The following KCNQ5 variants were observed in gnomAD, a reference collection of about 807,000 sequenced individuals.
KCNQ5 encodes potassium voltage-gated channel subfamily KQT member 5.
In KCNQ5, 30 loss-of-function variants were observed where a neutral mutation model predicts 98.2. That is an observed-to-expected ratio of 0.31 (90% CI 0.23 to 0.41). KCNQ5 has a LOEUF of 0.41. Among genes scored for constraint, KCNQ5 ranks in the 10% least tolerant of loss-of-function variants. The pLI is 1.00. For synonymous variants in KCNQ5, 458 were observed against 449.4 expected (o/e 1.02, Z -0.24); for missense variants, 835 against 1,182.5 (o/e 0.71, Z 4.31).
chr6:73,106,135 C>A (rs1774989126), intron 6 of KCNQ5, among the ~76,000 whole-genome samples: 1 of 151,888 alleles, frequency 6.6e-6, no homozygotes, highest in East Asian at 1.9e-4. Flanking sequence ...TTGCTCCAGA[C>A]ACAGCTCAAG....
chr6:72,981,772 T>A (rs1406386059), intron 1 of KCNQ5, among the ~76,000 whole-genome samples: 1 of 152,250 alleles, frequency 6.6e-6, no homozygotes, highest in African/African-American at 2.4e-5. Flanking sequence ...TTTAGATCTT[T>A]CCTGCTTTCT....
At chr6:73,184,089 T>G (rs1778490128) in intron 11 of KCNQ5, among the ~76,000 whole-genome samples, 4 of 152,216 alleles carry the variant, frequency 2.6e-5, no homozygotes, top group Admixed American at 2.0e-4. Context: ...ACAGTTTTGT[T>G]TTGCTATTAG....
At chr6:73,064,973 A>G (rs1772981214) in intron 3 of KCNQ5, among the ~76,000 whole-genome samples, 1 of 151,988 alleles carries the variant, frequency 6.6e-6, no homozygotes. Context: ...ATCTGAAATT[A>G]AATGTTTGTG....
At chr6:72,769,338 A>G (rs1772740068) in intron 1 of KCNQ5, among the ~76,000 whole-genome samples, 2 of 152,120 alleles carry the variant, frequency 1.3e-5, no homozygotes, top group African/African-American at 2.4e-5. Context: ...GGATTGTTTG[A>G]TAGAATAAAG....
chr6:72,975,990 A>C (rs2150290443), intron 1 of KCNQ5, among the ~76,000 whole-genome samples: 1 of 152,352 alleles, frequency 6.6e-6, no homozygotes, highest in South Asian at 2.1e-4. Flanking sequence ...TAATCAGTTG[A>C]AAGTAACCAA....
At chr6:72,670,072 T>A (rs1767024799) in intron 1 of KCNQ5, among the ~76,000 whole-genome samples, 1 of 152,120 alleles carries the variant, frequency 6.6e-6, no homozygotes, top group Non-Finnish European at 1.5e-5. Flanking sequence ...CTCTGCTGAG[T>A]GTCCAGTTTT....
Position 72,784,822 on chromosome 6 carries a change from G to A in KCNQ5, c.398+162235G>A, listed in dbSNP as rs535380265. On this transcript the variant is annotated intron_variant, in intron 1 of 13. Transcript: ENST00000370398. ...TGTGGTAATCCTTATGTGCAGGAGA[G>A]ACTCAGAGCTTGGGAATTCACTATT... Among the ~76,000 whole-genome samples, 5 of 152,334 alleles carry A rather than the reference G, an allele frequency of 3.3e-5. No homozygotes were observed. In the East Asian group the frequency reaches 9.6e-4, roughly 29 times the overall value.
chr6:72,870,900 A>G (rs1456853374), intron 1 of KCNQ5, among the ~76,000 whole-genome samples: 2 of 152,144 alleles, frequency 1.3e-5, no homozygotes, highest in Admixed American at 6.5e-5. Flanking sequence ...CTAGAAGAGG[A>G]TGATGGTTAT....
intron 1 of KCNQ5, among the ~76,000 whole-genome samples, chr6:72,793,744 C>T (rs990948116): frequency 5.9e-5 from 9 of 152,208 alleles, no homozygotes; most frequent in South Asian, 4.1e-4. Flanking sequence ...CCCTTCAATG[C>T]GAAGAAAGAA....
chr6:73,164,581 A>G (rs1014220650), intron 10 of KCNQ5, among the ~76,000 whole-genome samples: 1 of 152,170 alleles, frequency 6.6e-6, no homozygotes, highest in African/African-American at 2.4e-5. Flanking sequence ...GCTGGGAGGT[A>G]ATGTCTTGTA....
intron 1 of KCNQ5, among the ~76,000 whole-genome samples, chr6:72,798,003 A>C (rs147607846): frequency 2.0e-5 from 3 of 152,178 alleles, no homozygotes; most frequent in Non-Finnish European, 4.4e-5. Flanking sequence ...CTTTTTAAGG[A>C]ATTTATGGCC....
At chr6:72,740,313 G>A (rs917066590) in intron 1 of KCNQ5, among the ~76,000 whole-genome samples, 2 of 152,196 alleles carry the variant, frequency 1.3e-5, no homozygotes, top group Admixed American at 6.5e-5. Context: ...GGGGAATGAT[G>A]TGAAGGGAGA....
intron 1 of KCNQ5, among the ~76,000 whole-genome samples, chr6:72,735,555 A>G (rs1452649593): frequency 6.6e-6 from 1 of 152,144 alleles, no homozygotes; most frequent in Non-Finnish European, 1.5e-5. Context: ...AAAAATGACT[A>G]TGTATCTTTA....
At position 72,790,346 on chromosome 6, in the gene KCNQ5, C is replaced by A. The variant is rs117409036; in HGVS notation, c.398+167759C>A. 1.6e-3 allele frequency among the ~76,000 whole-genome samples: 243 copies of A among 152,276 alleles called. 4 individuals carry two copies. In the East Asian group the frequency reaches 0.044, roughly 27 times the overall value. On this transcript the variant is annotated intron_variant, in intron 1 of 13. Transcript: ENST00000370398. ...ATGAAGATGAATTTAGTAGCTAATT[C>A]AATTTGACATCAAGTTGAGCTACAG...
intron 2 of KCNQ5, among the ~76,000 whole-genome samples, chr6:73,040,662 G>A (rs955111934): frequency 2.0e-5 from 3 of 152,188 alleles, no homozygotes; most frequent in African/African-American, 4.8e-5. Flanking sequence ...AGTAAGCAGT[G>A]ATGATATTGG....
At chr6:73,159,646 G>C (rs751999453) in intron 10 of KCNQ5, among the ~76,000 whole-genome samples, 3 of 152,138 alleles carry the variant, frequency 2.0e-5, no homozygotes, top group African/African-American at 7.2e-5. Flanking sequence ...ATCGGTACAA[G>C]TTCATGCTTT....
At chr6:73,073,318 A>T (rs981093932) in intron 3 of KCNQ5, among the ~76,000 whole-genome samples, 2 of 152,212 alleles carry the variant, frequency 1.3e-5, no homozygotes, top group Non-Finnish European at 2.9e-5. Flanking sequence ...TGGCTTGAAG[A>T]ATTAAATAAA....
intron 1 of KCNQ5, among the ~76,000 whole-genome samples, chr6:72,724,162 T>A (rs1260734764): frequency 1.3e-5 from 2 of 152,156 alleles, no homozygotes; most frequent in Admixed American, 1.3e-4. Flanking sequence ...GTAAGACATA[T>A]AAAATAGCTC....
chr6:73,031,623 C>T (rs189920305), intron 2 of KCNQ5, among the ~76,000 whole-genome samples: 1 of 152,266 alleles, frequency 6.6e-6, no homozygotes, highest in Non-Finnish European at 1.5e-5. Context: ...GAATTTCTGG[C>T]ACGAGATTTT....
Sources: gnomAD v4.1 joint callset for allele counts (sites outside exome capture counted in the v4.1 genomes callset) on GRCh38, gnomAD v4.1.1 for gene constraint, MANE v1.5 for transcripts, NCBI Gene and HGNC (gene_info 2026-07-23, HGNC 2026-07-21) for gene names.